Variants in CATSPERB observed in about 807,000 individuals in gnomAD.
CATSPERB encodes cation channel sperm-associated auxiliary subunit beta.
In CATSPERB, 93 loss-of-function variants were observed where a neutral mutation model predicts 128.3. The ratio of observed to expected loss-of-function variants is 0.72; its 90% CI spans 0.61 to 0.86. The LOEUF is 0.86. Ranked by LOEUF, CATSPERB falls within the 40% of genes least tolerant of loss-of-function variation. CATSPERB has a pLI of 0.00. For synonymous variants in CATSPERB, 381 were observed against 448.8 expected, an observed-to-expected ratio of 0.85 and a Z score of 1.91; for missense variants, 1,153 against 1,329.5, an observed-to-expected ratio of 0.87 and a Z score of 2.06.
intron 22 of CATSPERB, among the ~76,000 whole-genome samples, chr14:91,592,962 T>TC (rs1386184019): frequency 6.6e-6 from 1 of 152,194 alleles, no homozygotes; most frequent in Admixed American, 6.5e-5. Context: ...GTGCCCTGTG[T>TC]CCCAGCTGCT....
rs1895124007 is a variant in CATSPERB, at chr14:91,672,919, G to A, written c.1076C>T (p.Thr359Ile). 1.2e-6 allele frequency: 2 copies of A among 1,601,100 alleles called. No individual in the cohort carries two copies. Among genetic ancestry groups the A allele is most frequent in the African/African-American group, 1.4e-5 (1 of 73,980 alleles). ...KGIKIFPTVL[T>I]FLVDQERGTG... ...ACCACGCTCTTGGTCAACAAGAAAT[G>A]TTAGCACAGTTGGAAAAATTTTTAT... The change falls in exon 13 of 27, where the codon ACA becomes ATA. Residue 359 changes from threonine to isoleucine, a missense_variant. Physicochemically the swap from Thr to Ile is moderately conservative, Grantham distance 89 (BLOSUM62 -1). Transcript: ENST00000256343.
At chr14:91,657,287 CATA>C (rs752960596) in intron 15 of CATSPERB, among the ~76,000 whole-genome samples, 4 of 152,022 alleles carry the variant, frequency 2.6e-5, no homozygotes, top group Non-Finnish European at 5.9e-5. Context: ...TTAGGCCATC[CATA>C]TCCATATGCA....
chr14:91,595,027 A>G (rs1179186836), intron 22 of CATSPERB, among the ~76,000 whole-genome samples: 1 of 151,698 alleles, frequency 6.6e-6, no homozygotes, highest in Non-Finnish European at 1.5e-5. Flanking sequence ...ATTAGAATTC[A>G]GTCCAAACTA....
At chr14:91,683,694 A>G (rs377391660) in intron 11 of CATSPERB, among the ~76,000 whole-genome samples, 183 bp downstream of exon 11, 51 of 152,110 alleles carry the variant, frequency 3.4e-4, no homozygotes, top group Admixed American at 1.4e-3. Flanking sequence ...CTGGGACAGG[A>G]CACACAGACC....
intron 4 of CATSPERB, among the ~76,000 whole-genome samples, chr14:91,720,823 A>G (rs1406260006): frequency 6.6e-6 from 1 of 152,210 alleles, no homozygotes; most frequent in Non-Finnish European, 1.5e-5. Flanking sequence ...TCCTGATTTC[A>G]AACTGTAGTA....
chr14:91,625,910 A>G (rs1340899563), intron 17 of CATSPERB, among the ~76,000 whole-genome samples: 1 of 152,172 alleles, frequency 6.6e-6, no homozygotes, highest in Admixed American at 6.5e-5. Context: ...AGATTGGTTG[A>G]GCCTAGGAGT....
intron 22 of CATSPERB, among the ~76,000 whole-genome samples, chr14:91,605,914 G>A (rs150493974): frequency 2.6e-4 from 39 of 152,276 alleles, no homozygotes; most frequent in African/African-American, 7.7e-4. Flanking sequence ...TGTGGCTCAC[G>A]CCTGTAATCC....
intron 4 of CATSPERB, 139 bp from the exon 5 acceptor site, chr14:91,719,617 G>A (rs921491753): frequency 3.7e-5 from 22 of 590,238 alleles, no homozygotes; most frequent in Non-Finnish European, 5.7e-5. Flanking sequence ...TCACTCTTAG[G>A]AATTTTTCCT....
chr14:91,624,881 C>A lies in CATSPERB; in HGVS notation c.1869G>T (p.Leu623Phe). Residue 623 changes from leucine (L) to phenylalanine (F), a missense_variant, in exon 18 of 27, where the codon TTG (leucine) becomes TTT (phenylalanine). Transcript: ENST00000256343. ...GLEEVNESSC[L>F]SSSLLINKAG... ...CTTTATTAATCAAAAGGGAACTAGA[C>A]AAACAAGAGCTCTCATTCACTTCTT... 1 of 1,611,960 alleles carries A rather than the reference C, an allele frequency of 6.2e-7. No homozygotes were observed. Among genetic ancestry groups the A allele is most frequent in the Non-Finnish European group, 8.5e-7 (1 of 1,179,436 alleles).
chr14:91,709,534 A>AAAAAAAG (rs1232403337), intron 5 of CATSPERB: 11 of 144,890 alleles, frequency 7.6e-5, no homozygotes, highest in Admixed American at 3.5e-4. Context: ...CAAAAAAAAA[A>AAAAAAAG]AAAAAAAATT....
chr14:91,674,113 A>G, intron 12 of CATSPERB, 63 bp downstream of exon 12: 1 of 915,432 alleles, frequency 1.1e-6, no homozygotes, highest in South Asian at 1.5e-5. Flanking sequence ...GATTAATCCC[A>G]ATCCATGAAG....
At chr14:91,682,487 C>T (rs1440784572) in intron 11 of CATSPERB, among the ~76,000 whole-genome samples, 5 of 152,180 alleles carry the variant, frequency 3.3e-5, no homozygotes, top group South Asian at 2.1e-4. Context: ...TGACTAGCAA[C>T]TATATGGCTG....
In CATSPERB at chr14:91,595,311, TTTA is replaced by T. The variant is rs869172061; in HGVS notation, c.2710-3312_2710-3310del. The stretch of plus-strand genomic sequence containing the variant: ...TAAGGTTTATTTATTTATTTATTTA[TTTA>T]TTTTTAATTTATTTATTTTTATTTT... On this transcript the variant is annotated intron_variant, in intron 22 of 26. Coordinates refer to ENST00000256343, the MANE Select transcript of CATSPERB (RefSeq NM_024764.4). 2.0e-5 allele frequency among the ~76,000 whole-genome samples: 3 copies of T among 151,608 alleles called. No individual in the cohort carries two copies. In the East Asian group the frequency reaches 5.8e-4, roughly 29 times the overall value.
chr14:91,636,697 A>G (rs898835544), intron 16 of CATSPERB, 118 bp from the exon 17 acceptor site: 29 of 849,054 alleles, frequency 3.4e-5, no homozygotes, highest in Non-Finnish European at 5.1e-5. Flanking sequence ...TTACTTATCA[A>G]TTGGAGAAAT....
intron 14 of CATSPERB, among the ~76,000 whole-genome samples, chr14:91,662,563 T>C (rs1743094): frequency 0.78 from 117,959 of 152,130 alleles, 45,961 homozygotes; most frequent in East Asian, 0.92. Flanking sequence ...TGCTGAAAAG[T>C]GAAATTGGTG....
chr14:91,727,453 T>C (rs1264508678), intron 2 of CATSPERB, among the ~76,000 whole-genome samples: 1 of 152,230 alleles, frequency 6.6e-6, no homozygotes, highest in Non-Finnish European at 1.5e-5. Context: ...TCTGTTTGTA[T>C]AATGTAATGA....
chr14:91,688,595 G>A (rs938353777), intron 10 of CATSPERB, among the ~76,000 whole-genome samples: 1 of 151,968 alleles, frequency 6.6e-6, no homozygotes, highest in African/African-American at 2.4e-5. Context: ...CTCCTCAAAG[G>A]CTCACTTTTG....
chr14:91,691,931 C>T (rs1895478192), intron 9 of CATSPERB, among the ~76,000 whole-genome samples: 1 of 152,144 alleles, frequency 6.6e-6, no homozygotes, highest in African/African-American at 2.4e-5. Flanking sequence ...GTAATCCTAG[C>T]ACTTTGGGAG....
chr14:91,681,669 AG>A (rs1456235314), intron 11 of CATSPERB, among the ~76,000 whole-genome samples: 1 of 152,368 alleles, frequency 6.6e-6, no homozygotes, highest in East Asian at 1.9e-4. Flanking sequence ...CTCATACCCT[AG>A]GGGCAAGCCC....
Sources: allele counts gnomAD v4.1 joint callset (sites outside exome capture counted in the v4.1 genomes callset), GRCh38; gene constraint gnomAD v4.1.1; transcripts MANE v1.5; gene names NCBI Gene and HGNC (gene_info 2026-07-23, HGNC 2026-07-21).